Variants in COPG1 observed in about 807,000 individuals in gnomAD.
COPG1 encodes coat protein complex I subunit gamma 1.
Under a neutral mutation model 102.8 loss-of-function variants are expected in COPG1, and 29 were observed. The ratio of observed to expected loss-of-function variants is 0.28; its 90% CI spans 0.21 to 0.38. The LOEUF (loss-of-function observed/expected upper bound fraction) is 0.38. Among genes scored for constraint, COPG1 ranks in the 10% least tolerant of loss-of-function variants. The pLI, the probability that COPG1 is intolerant of heterozygous loss-of-function variation, is 1.00. For missense variants in COPG1, 875 were observed against 1,132.7 expected (o/e 0.77, Z 3.27); for synonymous variants, 406 against 421.6 (o/e 0.96, Z 0.45).
At position 129,267,426 on chromosome 3, in the gene COPG1, C is replaced by T. The variant is rs551897891; in HGVS notation, c.1544+327C>T. ...CACAAGGTCAGGAGATTGAGACCGT[C>T]CTGGCTAACACGCTGAAACCCCGTC... is the stretch of plus-strand genomic sequence containing the variant. On this transcript the variant is annotated intron_variant, in intron 15 of 23. Transcript: ENST00000314797. Among the ~76,000 whole-genome samples the T allele has an allele frequency of 5.9e-5, 9 of 152,254 alleles. No individual in the cohort carries two copies. The South Asian group carries it at 1.5e-3, about 25-fold the overall frequency.
At chr3:129,250,559 C>T in intron 1 of COPG1, 123 bp from the exon 2 acceptor site, 1 of 746,756 alleles carries the variant, frequency 1.3e-6, no homozygotes, top group Non-Finnish European at 2.3e-6. Flanking sequence ...GCTTGATTGC[C>T]ATTCCTGAGG....
chr3:129,271,831 C>T lies in COPG1; in HGVS notation c.1908C>T (p.Pro636=), dbSNP rs769579281. The T allele has an allele frequency of 1.8e-5, 29 of 1,614,064 alleles. No individual in the cohort carries two copies. Among genetic ancestry groups the T allele is most frequent in the Non-Finnish European group, 2.2e-5 (26 of 1,180,010 alleles). The change falls in exon 19 of 24, where the codon CCC becomes CCT. Residue 636 remains proline, a synonymous_variant. Coordinates refer to ENST00000314797, the MANE Select transcript of COPG1 (RefSeq NM_016128.4). This position sits in a 1 kb window ranked among gnomAD's most constrained non-coding sequence, Gnocchi z 4.7. ...CCCTCTTCAAGTCCTCGCCTGAGCC[C>T]GTGGCCCTCACCGAGTCAGAGACGG... ...LGPLFKSSPE[P]VALTESETEY... is the part of the protein sequence containing the mutation.
At chr3:129,253,728 TA>T (rs1164260197) in intron 5 of COPG1, among the ~76,000 whole-genome samples, 1 of 152,186 alleles carries the variant, frequency 6.6e-6, no homozygotes, top group Non-Finnish European at 1.5e-5. Context: ...CTCATGCCTG[TA>T]ATCCCAGCAC....
Position 129,267,972 on chromosome 3 carries a change from G to A in COPG1, c.1580G>A (p.Arg527Gln), listed in dbSNP as rs781497550. ...VMDDDNEVRD[R>Q]ATFYLNVLEQ... ...GATGATGACAATGAAGTAAGGGACC[G>A]AGCCACCTTCTACCTAAATGTCCTG... The change falls in exon 16 of 24, where the codon CGA becomes CAA. Residue 527 changes from arginine to glutamine, a missense_variant. Physicochemically the swap from Arg to Gln is conservative, Grantham distance 43. Transcript: ENST00000314797. 4.6e-5 allele frequency: 74 copies of A among 1,613,976 alleles called. No homozygotes were observed. Among genetic ancestry groups the A allele is most frequent in the Admixed American group, 6.7e-5 (4 of 59,994 alleles).
intron 14 of COPG1, 78 bp from the exon 15 acceptor site, chr3:129,266,943 ACCC>A (rs1940072343): frequency 1.6e-6 from 2 of 1,216,362 alleles, no homozygotes; most frequent in African/African-American, 3.0e-5. Flanking sequence ...CTGCCTGAAG[ACCC>A]ATTCTGAGTG....
At chr3:129,272,099 G>A in intron 19 of COPG1, 145 bp from the exon 20 acceptor site, 1 of 1,002,944 alleles carries the variant, frequency 1.0e-6, no homozygotes, top group Non-Finnish European at 1.5e-6. Flanking sequence ...CCGATTGTCA[G>A]CATGAAGACA....
rs970761598 is a variant in COPG1, at chr3:129,277,401, A to T, written c.2602A>T (p.Ile868Phe). The change falls in exon 24 of 24, where the codon ATC (isoleucine) becomes TTC (phenylalanine). Residue 868 changes from isoleucine to phenylalanine, a missense_variant. By Grantham distance (21) the Ile-to-Phe change is conservative. Transcript: ENST00000314797. ...ARSLEELPVD[I>F]ILASVG ...AAGTTTGGAGGAGCTGCCAGTAGAC[A>T]TCATCTTGGCATCTGTGGGATAAGA... The T allele has an allele frequency of 6.2e-7, 1 of 1,613,940 alleles. No homozygotes were observed.
At chr3:129,257,976 T>C in intron 10 of COPG1, 116 bp downstream of exon 10, 1 of 1,339,338 alleles carries the variant, frequency 7.5e-7, no homozygotes, top group Admixed American at 2.2e-5. Context: ...AAGGAGTCTG[T>C]ACCTAGGAAG....
chr3:129,257,644 C>G lies in COPG1; in HGVS notation c.737+17C>G. On this transcript the variant is annotated intron_variant, in intron 9 of 23. Coordinates refer to ENST00000314797, the MANE Select transcript of COPG1 (RefSeq NM_016128.4). ...GGATGGCAGGTAACGGCTCTCATCT[C>G]TCACCAGCTAGATGATGCCTCACTC... is the stretch of plus-strand genomic sequence containing the variant. 1 of 1,614,204 alleles carries G rather than the reference C, an allele frequency of 6.2e-7. No individual in the cohort carries two copies. Among genetic ancestry groups the G allele is most frequent in the Non-Finnish European group, 8.5e-7 (1 of 1,180,016 alleles).
Position 129,271,817 on chromosome 3 carries a change from T to A in COPG1, c.1894T>A (p.Ser632Thr). The change falls in exon 19 of 24, where the codon TCC becomes ACC. Residue 632 changes from serine (S) to threonine (T), a missense_variant. By Grantham distance (58) the Ser-to-Thr change is moderately conservative. Transcript: ENST00000314797. This position sits in a 1 kb window ranked among gnomAD's most constrained non-coding sequence, Gnocchi z 4.7. ...CCGCGGTCTTGGGCCCCTCTTCAAG[T>A]CCTCGCCTGAGCCCGTGGCCCTCAC... ...EFRGLGPLFK[S>T]SPEPVALTES... 6.2e-7 allele frequency: 1 copy of A among 1,614,208 alleles called. No homozygotes were observed. The highest frequency in any genetic ancestry group is 1.7e-5 in the Admixed American group (1 of 60,018).
At chr3:129,251,932 G>A (rs757327739) in intron 2 of COPG1, among the ~76,000 whole-genome samples, 6 of 152,118 alleles carry the variant, frequency 3.9e-5, no homozygotes, top group South Asian at 2.1e-4. Flanking sequence ...TGATCCACCC[G>A]CCTCGGCCTC....
At chr3:129,251,783 G>A (rs1170878783) in intron 2 of COPG1, among the ~76,000 whole-genome samples, 1 of 152,048 alleles carries the variant, frequency 6.6e-6, no homozygotes, top group Non-Finnish European at 1.5e-5. Flanking sequence ...CGCCTCCTGG[G>A]TTCCAGCAAT....
At position 129,252,884 on chromosome 3, in the gene COPG1, C is replaced by A; in HGVS notation, c.252C>A (p.Leu84=). ...TKLFQSNDPT[L]RRMCYLTIKE... is the part of the protein sequence containing the mutation. Reference sequence around the variant, plus strand: ...TCCCACCTATCTCCCAGCCCACACTCCGTCGGATGTGCTACTTGACCATCA... The same window carrying A: ...TCCCACCTATCTCCCAGCCCACACTACGTCGGATGTGCTACTTGACCATCA... Residue 84 remains leucine (L), a synonymous_variant, in exon 5 of 24, where the codon CTC becomes CTA. Transcript: ENST00000314797. The A allele has an allele frequency of 6.2e-7, 1 of 1,614,110 alleles. No individual in the cohort carries two copies. The highest frequency in any genetic ancestry group is 1.1e-5 in the South Asian group (1 of 91,066).
At chr3:129,273,274 T>G (rs1940214448) in intron 21 of COPG1, among the ~76,000 whole-genome samples, 1 of 152,202 alleles carries the variant, frequency 6.6e-6, no homozygotes. Context: ...TCCACCTACC[T>G]TGGCCTCCCA....
At chr3:129,260,494 G>A in intron 11 of COPG1, 94 bp downstream of exon 11, 1 of 1,510,288 alleles carries the variant, frequency 6.6e-7, no homozygotes, top group Non-Finnish European at 9.1e-7. Context: ...AATAGCCCTG[G>A]TCACAGTTAG....
chr3:129,259,144 G>T (rs1341030670), intron 10 of COPG1, among the ~76,000 whole-genome samples: 1 of 152,128 alleles, frequency 6.6e-6, no homozygotes, highest in African/African-American at 2.4e-5. Context: ...GGAGAGAGAA[G>T]TCTCCTTTCC....
chr3:129,265,646 A>AGTTCATC lies in COPG1; in HGVS notation c.1324_1330dup (p.Glu444ValfsTer37). On this transcript the variant is annotated frameshift_variant, in exon 14 of 24. Coordinates refer to ENST00000314797, the MANE Select transcript of COPG1 (RefSeq NM_016128.4). LOFTEE classifies it high-confidence loss of function. ...GAGACAGGGCTGTCACATCTGTGCG[A>AGTTCATC]GTTCATCGAGGACTGCGAGTTCACA... 1 of 1,614,240 alleles carries AGTTCATC rather than the reference A, an allele frequency of 6.2e-7. No individual in the cohort carries two copies. The highest frequency in any genetic ancestry group is 8.5e-7 in the Non-Finnish European group (1 of 1,180,050).
rs774462836 is a variant in COPG1, at chr3:129,260,868, T to C, written c.1128+61T>C. On this transcript the variant is annotated intron_variant, in intron 12 of 23. Coordinates refer to ENST00000314797, the MANE Select transcript of COPG1 (RefSeq NM_016128.4). ...AGGAAGGAGCTCTGTCCCTGCTCTC[T>C]GTGGCCACAGCCTTCCTGCCAGGAC... is the stretch of plus-strand genomic sequence containing the variant. The C allele has an allele frequency of 5.8e-4, 890 of 1,546,816 alleles. 2 individuals are homozygous for C. The highest frequency in any genetic ancestry group is 6.9e-4 in the Non-Finnish European group (779 of 1,130,330).
Position 129,268,533 on chromosome 3 carries a change from C to T in COPG1, c.1687C>T (p.Gln563Ter), listed in dbSNP as rs1225310724. 1.2e-6 allele frequency: 2 copies of T among 1,614,046 alleles called. No individual in the cohort carries two copies. Among genetic ancestry groups the T allele is most frequent in the East Asian group, 2.2e-5 (1 of 44,890 alleles). ...CATCCCTGGTCTGGAGAGGGCTCTG[C>T]AGCAGTACACTCTAGAACCATCAGA... Reference protein sequence around the residue: ...VSIPGLERALQQYTLEPSEKP... With the variant: ...VSIPGLERAL The change falls in exon 17 of 24, where the codon CAG becomes TAG. Residue 563 changes from glutamine (Q) to a stop codon, truncating the protein, a stop_gained. Coordinates refer to ENST00000314797, the MANE Select transcript of COPG1 (RefSeq NM_016128.4). LOFTEE classifies it high-confidence loss of function.
Sources: gnomAD v4.1 joint callset for allele counts (sites outside exome capture counted in the v4.1 genomes callset) on GRCh38, gnomAD v4.1.1 for gene constraint, Gnocchi (gnomAD v3.1) non-coding constraint, MANE v1.5 for transcripts, NCBI Gene and HGNC (gene_info 2026-07-23, HGNC 2026-07-21) for gene names.